Variants in DICER1 observed in about 807,000 individuals in gnomAD.
The protein encoded by DICER1 is endoribonuclease Dicer.
In DICER1, 43 loss-of-function variants were observed where a neutral mutation model predicts 194.1. The observed-to-expected ratio is 0.22, with a 90% CI of 0.17 to 0.29. The LOEUF (loss-of-function observed/expected upper bound fraction) is 0.29. Among genes scored for constraint, DICER1 ranks in the 10% least tolerant of loss-of-function variants. The pLI is 1.00. For synonymous variants in DICER1, 832 were observed against 820.5 expected, an observed-to-expected ratio of 1.01 and a Z score of -0.24; for missense variants, 1,608 against 2,317.0, an observed-to-expected ratio of 0.69 and a Z score of 6.28.
At chr14:95,144,625 A>G (rs956519065) in intron 1 of DICER1, among the ~76,000 whole-genome samples, 1 of 152,210 alleles carries the variant, frequency 6.6e-6, no homozygotes, top group African/African-American at 2.4e-5. Context: ...AAAATGTTTC[A>G]TTAACCGTAA....
At chr14:95,100,400 AC>A (rs1471283235) in intron 21 of DICER1, among the ~76,000 whole-genome samples, 13 of 152,220 alleles carry the variant, frequency 8.5e-5, no homozygotes, top group Admixed American at 2.6e-4. Context: ...GAAAACTGGC[AC>A]CGAACAAAAC....
rs1269023364 is a variant in DICER1, at chr14:95,133,302, T to C, written c.144+13A>G. The C allele has an allele frequency of 6.2e-7, 1 of 1,613,370 alleles. No individual in the cohort carries two copies. Among genetic ancestry groups the C allele is most frequent in the East Asian group, 2.2e-5 (1 of 44,896 alleles). ...AGTGTAGAATGCTCCAGTATTAGTG[T>C]TCGCATTAGTACCTGATATTTTCTT... On this transcript the variant is annotated intron_variant, in intron 2 of 26. Coordinates refer to ENST00000343455, the MANE Select transcript of DICER1 (RefSeq NM_177438.3).
chr14:95,125,306 T>A (rs530284419), intron 7 of DICER1, among the ~76,000 whole-genome samples: 3 of 151,786 alleles, frequency 2.0e-5, no homozygotes, highest in African/African-American at 4.8e-5. Context: ...CTCCACACAC[T>A]CTGTCACAGT....
intron 22 of DICER1, among the ~76,000 whole-genome samples, chr14:95,099,268 A>T (rs1890641451): frequency 6.6e-6 from 1 of 152,034 alleles, no homozygotes; most frequent in African/African-American, 2.4e-5. Context: ...CAAGATTTAA[A>T]TTATTTCCAG....
chr14:95,100,277 G>T (rs1174121245), intron 21 of DICER1, among the ~76,000 whole-genome samples: 1 of 152,122 alleles, frequency 6.6e-6, no homozygotes, highest in Non-Finnish European at 1.5e-5. Flanking sequence ...GATATAAAAT[G>T]CAAACTGCTA....
Position 95,087,351 on chromosome 14 carries a change from TATAAC to T in DICER1, c.*3142_*3146del, listed in dbSNP as rs1440915378. 8.6e-6 allele frequency: 2 copies of T among 233,092 alleles called. No homozygotes were observed. Among genetic ancestry groups the T allele is most frequent in the African/African-American group, 4.4e-5 (2 of 45,288 alleles). The allele number at this position is 233,092 out of a possible 1,614,324, so 14.4% of individuals were successfully genotyped here. ...AATATAAAAGAAAAAAGAAAAGAAA[TATAAC>T]AAACATTTTAAAAACATAATTAAGA... On this transcript the variant is annotated 3_prime_UTR_variant, in exon 27 of 27. Coordinates refer to ENST00000343455, the MANE Select transcript of DICER1 (RefSeq NM_177438.3).
chr14:95,145,621 T>C (rs1895080288), intron 1 of DICER1, among the ~76,000 whole-genome samples: 2 of 151,858 alleles, frequency 1.3e-5, no homozygotes, highest in Non-Finnish European at 2.9e-5. Flanking sequence ...TATTATTTAG[T>C]GAATATAGAC....
rs776020604 is a variant in DICER1 at position 95,103,737 on chromosome 14, T to G, written c.3659A>C (p.Gln1220Pro). Residue 1220 changes from glutamine (Q) to proline (P), a missense_variant, in exon 21 of 27, where the codon CAG (glutamine) becomes CCG (proline). Around this residue, in one of 10 missense-constraint regions of DICER1, gnomAD observed 222 missense variants for 215.5 expected, o/e 1.03. Coordinates refer to ENST00000343455, the MANE Select transcript of DICER1 (RefSeq NM_177438.3). ...PVQPTTSYSIQNLYSYENQPQ... is the reference protein window; with the variant it reads ...PVQPTTSYSIPNLYSYENQPQ... Reference sequence around the variant, plus strand: ...CTGGTTCTCGTAACTGTATAAATTCTGAATGGAATATGAGGTAGTTGGTTG... The same window carrying G: ...CTGGTTCTCGTAACTGTATAAATTCGGAATGGAATATGAGGTAGTTGGTTG... 7 of 1,614,232 alleles carry G rather than the reference T, an allele frequency of 4.3e-6. No homozygotes were observed. The highest frequency in any genetic ancestry group is 5.9e-6 in the Non-Finnish European group (7 of 1,180,038).
At chr14:95,126,927 A>G (rs762295092) in intron 6 of DICER1, among the ~76,000 whole-genome samples, 179 bp from the exon 7 acceptor site, 8 of 152,038 alleles carry the variant, frequency 5.3e-5, no homozygotes, top group South Asian at 4.1e-4. Flanking sequence ...CTATATTACC[A>G]TATTTCTCAA....
chr14:95,090,020 A>G lies in DICER1; in HGVS notation c.*478T>C. Reference sequence around the variant, plus strand: ...CAACATTGGCGCACTTCTCCTCTCGAAAACCTTATCTTTCTATTCAGCTTA... The same window carrying G: ...CAACATTGGCGCACTTCTCCTCTCGGAAACCTTATCTTTCTATTCAGCTTA... On this transcript the variant is annotated 3_prime_UTR_variant, in exon 27 of 27. Transcript: ENST00000343455. 3.5e-6 allele frequency: 1 copy of G among 284,762 alleles called. No individual in the cohort carries two copies. The highest frequency in any genetic ancestry group is 6.7e-6 in the Non-Finnish European group (1 of 149,840). 17.6% of individuals were successfully genotyped at this position (284,762 alleles called of 1,614,324 possible).
At chr14:95,138,327 G>GA (rs781608618) in intron 1 of DICER1, among the ~76,000 whole-genome samples, 270 of 137,888 alleles carry the variant, frequency 2.0e-3, no homozygotes, top group South Asian at 2.1e-3. Context: ...AAAAAAAGTG[G>GA]AAAAAAAAAA....
In DICER1 at chr14:95,128,765, C is replaced by T. The variant is rs79150478; in HGVS notation, c.734+707G>A. Reference sequence around the variant, plus strand: ...CTCCACAACTTGAGAAATCAGTCTCCGCTACTTATTGTAACTGTCCTAAGA... The same window carrying T: ...CTCCACAACTTGAGAAATCAGTCTCTGCTACTTATTGTAACTGTCCTAAGA... On this transcript the variant is annotated intron_variant, in intron 6 of 26. Transcript: ENST00000343455. 7.3e-3 allele frequency among the ~76,000 whole-genome samples: 1,110 copies of T among 152,258 alleles called. 49 individuals are homozygous for T. In the East Asian group the frequency reaches 0.13, roughly 18 times the overall value.
At chr14:95,137,269 G>T (rs1333944557) in intron 1 of DICER1, among the ~76,000 whole-genome samples, 1 of 145,584 alleles carries the variant, frequency 6.9e-6, no homozygotes, top group Admixed American at 6.9e-5. Context: ...AAAGGAAAAT[G>T]GAAAGGGGAA....
chr14:95,089,265 A>C lies in DICER1; in HGVS notation c.*1233T>G, dbSNP rs1344475462. On this transcript the variant is annotated 3_prime_UTR_variant, in exon 27 of 27. Transcript: ENST00000343455. ...CTAGTTTATCTAAATTAATGACCTA[A>C]ATCACAGATGTATCAAAATTACGGC... is the stretch of plus-strand genomic sequence containing the variant. The C allele has an allele frequency of 8.6e-6, 2 of 232,996 alleles. No homozygotes were observed. The highest frequency in any genetic ancestry group is 1.1e-4 in the Admixed American group (2 of 17,774). The allele number at this position is 232,996 out of a possible 1,614,324, so 14.4% of individuals were successfully genotyped here. A position where few individuals can be genotyped will look rare whatever the true frequency, so the allele number is the denominator to read the frequency against.
In DICER1 at chr14:95,091,193, C is replaced by A. The variant is rs764254400; in HGVS notation, c.5527+10G>T. On this transcript the variant is annotated intron_variant, in intron 25 of 26. Transcript: ENST00000343455. ...TGGGTTTTTTTCTTTCTAAAGGGAG[C>A]CAACAATACCTATTAGTGGCCGCAT... The A allele has an allele frequency of 8.7e-6, 14 of 1,614,068 alleles. No homozygotes were observed. The highest frequency in any genetic ancestry group is 1.2e-5 in the Non-Finnish European group (14 of 1,180,000).
At chr14:95,092,604 G>A (rs1203687411) in intron 24 of DICER1, among the ~76,000 whole-genome samples, 2 of 152,108 alleles carry the variant, frequency 1.3e-5, no homozygotes, top group South Asian at 2.1e-4. Flanking sequence ...CTGAGGAAAC[G>A]GAGGCCCAGA....
rs116910771 is a variant in DICER1, at chr14:95,096,726, G to C, written c.4207-13C>G. ...TGCAGTCTTTTGTCTGAAACGAGGGGGAATGGGGAAGGAGGGGAAACATAG... is the reference window on the plus strand; with the variant it reads ...TGCAGTCTTTTGTCTGAAACGAGGGCGAATGGGGAAGGAGGGGAAACATAG... On this transcript the variant is annotated splice_polypyrimidine_tract_variant and intron_variant, in intron 22 of 26. Coordinates refer to ENST00000343455, the MANE Select transcript of DICER1 (RefSeq NM_177438.3). 15 of 1,590,472 alleles carry C rather than the reference G, an allele frequency of 9.4e-6. No homozygotes were observed. Among genetic ancestry groups the C allele is most frequent in the East Asian group, 2.3e-5 (1 of 43,258 alleles).
intron 2 of DICER1, 38 bp downstream of exon 2, chr14:95,133,277 A>T: frequency 6.2e-7 from 1 of 1,609,336 alleles, no homozygotes; most frequent in Non-Finnish European, 8.5e-7. Context: ...ATTCCATTTT[A>T]GTGTAGAATG....
At chr14:95,097,317 G>A (rs1013796644) in intron 22 of DICER1, among the ~76,000 whole-genome samples, 14 of 152,070 alleles carry the variant, frequency 9.2e-5, no homozygotes, top group Admixed American at 2.0e-4. Flanking sequence ...AAACTACACT[G>A]CTTTCCTTAA....
Sources: gnomAD v4.1 joint callset for allele counts (sites outside exome capture counted in the v4.1 genomes callset) on GRCh38, gnomAD v4.1.1 for gene constraint, gnomAD v4.1.1 regional missense constraint, MANE v1.5 for transcripts, NCBI Gene and HGNC (gene_info 2026-07-23, HGNC 2026-07-21) for gene names.